CA10: variants seen among roughly 807,000 people sequenced by gnomAD.
CA10 encodes the protein carbonic anhydrase-related protein 10.
Under a neutral mutation model 44.2 loss-of-function variants are expected in CA10, and 14 were observed. The ratio of observed to expected loss-of-function variants is 0.32; its 90% CI spans 0.21 to 0.50. The LOEUF (loss-of-function observed/expected upper bound fraction) is 0.50, where lower values mean the gene tolerates loss of function less well. Ranked by LOEUF, CA10 falls within the 20% of genes least tolerant of loss-of-function variation. CA10 has a pLI of 0.99. For synonymous variants in CA10, 159 were observed against 141.6 expected (o/e 1.12, Z -0.87); for missense variants, 350 against 409.7 (o/e 0.85, Z 1.26).
At chr17:51,893,026 C>T (rs185990483) in intron 3 of CA10, among the ~76,000 whole-genome samples, 35 of 152,166 alleles carry the variant, frequency 2.3e-4, no homozygotes, top group Middle Eastern at 3.4e-3. Flanking sequence ...CACTTGGTAC[C>T]TACTTTATGC....
chr17:51,776,267 C>T (rs888779856), intron 3 of CA10, among the ~76,000 whole-genome samples: 7 of 151,924 alleles, frequency 4.6e-5, no homozygotes, highest in Non-Finnish European at 7.4e-5. Flanking sequence ...CCCAGCTACT[C>T]GGGAGGCTGA....
intron 1 of CA10, among the ~76,000 whole-genome samples, chr17:52,156,613 G>C (rs1015909575): frequency 7.9e-5 from 12 of 152,200 alleles, no homozygotes; most frequent in Admixed American, 1.3e-4. Flanking sequence ...GGGATTGACA[G>C]GGCTGAAGGA....
intron 2 of CA10, among the ~76,000 whole-genome samples, chr17:51,984,854 T>C (rs1347225687): frequency 6.6e-6 from 1 of 151,768 alleles, no homozygotes; most frequent in Non-Finnish European, 1.5e-5. Flanking sequence ...AGCAGAGAGA[T>C]TGAAATGGTA....
chr17:51,633,336 G>T, intron 8 of CA10, 140 bp downstream of exon 8: 1 of 821,584 alleles, frequency 1.2e-6, no homozygotes, highest in Non-Finnish European at 1.9e-6. Context: ...TCATCACCAT[G>T]CAAATGGAGT....
intron 4 of CA10, among the ~76,000 whole-genome samples, chr17:51,738,992 G>A (rs1049860658): frequency 2.0e-5 from 3 of 152,116 alleles, no homozygotes; most frequent in African/African-American, 7.2e-5. Flanking sequence ...CAGGGGGTAT[G>A]CTGGAAGAGA....
intron 4 of CA10, among the ~76,000 whole-genome samples, chr17:51,654,900 G>A (rs918828003): frequency 2.0e-5 from 3 of 151,004 alleles, no homozygotes; most frequent in South Asian, 2.1e-4. Context: ...AGTAAAAAAC[G>A]TGATGCCCCC....
intron 3 of CA10, among the ~76,000 whole-genome samples, chr17:51,929,663 T>C (rs975208450): frequency 5.3e-5 from 8 of 149,852 alleles, no homozygotes; most frequent in African/African-American, 2.0e-4. Flanking sequence ...TCTTAAATAC[T>C]GACCAGCGAA....
chr17:51,685,482 G>T (rs920604286), intron 4 of CA10, among the ~76,000 whole-genome samples: 1 of 152,174 alleles, frequency 6.6e-6, no homozygotes, highest in Non-Finnish European at 1.5e-5. Flanking sequence ...AATGACCCAC[G>T]TAATGGCCCT....
intron 3 of CA10, among the ~76,000 whole-genome samples, chr17:51,886,179 T>G (rs961369843): frequency 6.6e-6 from 1 of 152,184 alleles, no homozygotes; most frequent in East Asian, 1.9e-4. Flanking sequence ...AGACCATCCC[T>G]TAGAGCTGTT....
At chr17:51,930,009 C>G (rs1260534432) in intron 3 of CA10, among the ~76,000 whole-genome samples, 4 of 152,098 alleles carry the variant, frequency 2.6e-5, no homozygotes, top group African/African-American at 4.8e-5. Context: ...GTGTGTGTAT[C>G]TGTGACAGTT....
Position 51,684,203 on chromosome 17 carries a change from G to A in CA10, c.466-30467C>T, listed in dbSNP as rs191725750. Among the ~76,000 whole-genome samples the A allele has an allele frequency of 1.1e-4, 16 of 152,310 alleles. No individual in the cohort carries two copies. In the East Asian group the frequency reaches 1.4e-3, roughly 13 times the overall value. ...TGGAGTGTGATGAGTGTGAGAAGGC[G>A]TCAACTGGCCATTGCTGGCTTTGAA... On this transcript the variant is annotated intron_variant, in intron 4 of 8. Transcript: ENST00000451037.
chr17:51,808,282 T>C (rs1907212239), intron 3 of CA10, among the ~76,000 whole-genome samples: 2 of 152,238 alleles, frequency 1.3e-5, no homozygotes, highest in African/African-American at 4.8e-5. Context: ...GTTTATCTAA[T>C]GGGTTTAAAT....
At chr17:51,944,952 G>A (rs1217254246) in intron 2 of CA10, among the ~76,000 whole-genome samples, 2 of 152,058 alleles carry the variant, frequency 1.3e-5, no homozygotes, top group African/African-American at 2.4e-5. Context: ...CCCACTTTCC[G>A]AATTTCTGGG....
intron 4 of CA10, among the ~76,000 whole-genome samples, chr17:51,681,498 G>A (rs1032352792): frequency 6.6e-6 from 1 of 152,086 alleles, no homozygotes; most frequent in African/African-American, 2.4e-5. Context: ...TGTTGTGGGG[G>A]CTACCTTGTA....
At chr17:52,159,310 G>A (rs1467408866), upstream of CA10, 2 of 152,022 alleles carry the variant, frequency 1.3e-5, no homozygotes, top group Non-Finnish European at 2.9e-5. Flanking sequence ...TAGACCAGGT[G>A]CAACTCTTGC....
At chr17:51,863,203 T>G (rs758274812) in intron 3 of CA10, among the ~76,000 whole-genome samples, 1 of 152,244 alleles carries the variant, frequency 6.6e-6, no homozygotes, top group South Asian at 2.1e-4. Context: ...ATGTAGCCAC[T>G]ACTACTGTTG....
intron 1 of CA10, among the ~76,000 whole-genome samples, chr17:52,092,032 G>C (rs1174263616): frequency 1.3e-5 from 2 of 152,046 alleles, no homozygotes; most frequent in Non-Finnish European, 2.9e-5. Context: ...TCTGTGGGAG[G>C]GATGAGTTAA....
intron 3 of CA10, among the ~76,000 whole-genome samples, chr17:51,858,560 G>A (rs753456256): frequency 2.0e-5 from 3 of 152,144 alleles, no homozygotes; most frequent in Admixed American, 6.6e-5. Flanking sequence ...GGGCAAAGCC[G>A]TAGTTCTGAA....
chr17:52,102,528 T>C (rs996048483), intron 1 of CA10, among the ~76,000 whole-genome samples: 5 of 152,194 alleles, frequency 3.3e-5, no homozygotes, highest in Non-Finnish European at 7.3e-5. Context: ...GAACTTTAAC[T>C]GAACCAATCA....
Sources: gnomAD v4.1 joint callset for allele counts (sites outside exome capture counted in the v4.1 genomes callset) on GRCh38, gnomAD v4.1.1 for gene constraint, MANE v1.5 for transcripts, NCBI Gene and HGNC (gene_info 2026-07-23, HGNC 2026-07-21) for gene names.